Variants in KIF6 observed in about 807,000 individuals in gnomAD.
KIF6 encodes kinesin-like protein KIF6.
A neutral mutation model predicts 112.7 loss-of-function variants in KIF6; 106 were observed. The ratio of observed to expected loss-of-function variants is 0.94; its 90% confidence interval spans 0.80 to 1.11. KIF6 has a LOEUF of 1.11. KIF6 is among the 50% of genes least tolerant of loss of function. The pLI, the probability that KIF6 is intolerant of heterozygous loss-of-function variation, is 0.00. For missense variants in KIF6, 929 were observed against 964.0 expected (o/e 0.96, Z 0.48); for synonymous variants, 339 against 339.9 (o/e 1.00, Z 0.03).
intron 7 of KIF6, among the ~76,000 whole-genome samples, chr6:39,594,911 T>C (rs917777018): frequency 2.0e-5 from 3 of 152,074 alleles, no homozygotes; most frequent in Non-Finnish European, 4.4e-5. Context: ...GCCCTTATAC[T>C]CAAAAAGCTA....
At chr6:39,632,262 G>T (rs1258443078) in intron 5 of KIF6, among the ~76,000 whole-genome samples, 6 of 152,066 alleles carry the variant, frequency 3.9e-5, no homozygotes, top group Admixed American at 1.3e-4. Flanking sequence ...GTCACTCAAC[G>T]GTAAGGAAGC....
intron 3 of KIF6, among the ~76,000 whole-genome samples, chr6:39,692,461 C>CCA (rs1788272611): frequency 6.6e-6 from 1 of 152,214 alleles, no homozygotes; most frequent in South Asian, 2.1e-4. Flanking sequence ...CATGGAGACA[C>CCA]TGTGCAGTCT....
intron 3 of KIF6, among the ~76,000 whole-genome samples, chr6:39,682,167 G>C (rs534142147): frequency 6.6e-6 from 1 of 152,274 alleles, no homozygotes; most frequent in African/African-American, 2.4e-5. Flanking sequence ...AAAAAGATCA[G>C]AAAGCATAAG....
intron 3 of KIF6, among the ~76,000 whole-genome samples, chr6:39,703,076 C>CA (rs1455125573): frequency 6.7e-5 from 2 of 29,928 alleles, no homozygotes; most frequent in African/African-American, 1.3e-4. Flanking sequence ...AATCCACCAA[C>CA]CCCCCACCCC....
chr6:39,644,503 C>T (rs1026727288), intron 3 of KIF6, among the ~76,000 whole-genome samples: 7 of 152,082 alleles, frequency 4.6e-5, no homozygotes, highest in African/African-American at 1.7e-4. Context: ...AGTACAGATA[C>T]ATGCTACAAT....
chr6:39,675,253 T>C (rs1446423417), intron 3 of KIF6, among the ~76,000 whole-genome samples: 1 of 152,060 alleles, frequency 6.6e-6, no homozygotes. Context: ...AGTGGGTAAT[T>C]TGAATTGAAG....
chr6:39,707,256 C>T (rs979925535), intron 3 of KIF6, among the ~76,000 whole-genome samples: 1 of 152,144 alleles, frequency 6.6e-6, no homozygotes, highest in Non-Finnish European at 1.5e-5. Flanking sequence ...CCCTTAGGGC[C>T]CCCTTCTCTT....
intron 5 of KIF6, among the ~76,000 whole-genome samples, chr6:39,624,355 T>C (rs977704475): frequency 1.3e-5 from 2 of 152,188 alleles, no homozygotes; most frequent in African/African-American, 4.8e-5. Flanking sequence ...AAGGTTGTAA[T>C]AATTTTTTTC....
rs754329739 is a variant in KIF6, at chr6:39,343,489, G to A, written c.2428+220C>T. On this transcript the variant is annotated intron_variant, in intron 22 of 22. Coordinates refer to ENST00000287152, the MANE Select transcript of KIF6 (RefSeq NM_145027.6). This position sits in a 1 kb window ranked among gnomAD's most constrained non-coding sequence, Gnocchi z 4.1. Reference sequence around the variant, plus strand: ...CAAGAGGGACAGGAGCACCTGGGCCGCCCACCCACTTGGGCCTGTCTTGGT... The same window carrying A: ...CAAGAGGGACAGGAGCACCTGGGCCACCCACCCACTTGGGCCTGTCTTGGT... 84 of 1,488,690 alleles carry A rather than the reference G, an allele frequency of 5.6e-5. No homozygotes were observed. Among genetic ancestry groups the A allele is most frequent in the Middle Eastern group, 1.8e-4 (1 of 5,408 alleles). The allele number at this position is 1,488,690 out of a possible 1,614,324, so 92.2% of individuals were successfully genotyped here.
chr6:39,610,273 A>C (rs1783146065), intron 6 of KIF6, among the ~76,000 whole-genome samples: 1 of 152,218 alleles, frequency 6.6e-6, no homozygotes, highest in South Asian at 2.1e-4. Flanking sequence ...GTTTTATTCA[A>C]AACATTGGTA....
chr6:39,660,358 G>C (rs1396680525), intron 3 of KIF6, among the ~76,000 whole-genome samples: 2 of 152,132 alleles, frequency 1.3e-5, no homozygotes, highest in East Asian at 3.9e-4. Flanking sequence ...TACTTGGGTG[G>C]GAAGTCCTAA....
chr6:39,650,374 T>C (rs151286433), intron 3 of KIF6, among the ~76,000 whole-genome samples: 19 of 152,122 alleles, frequency 1.2e-4, no homozygotes, highest in Non-Finnish European at 2.4e-4. Context: ...CATGAAACTT[T>C]AATGAAGAAA....
chr6:39,540,282 G>T, intron 12 of KIF6, 61 bp from the exon 13 acceptor site: 1 of 1,019,064 alleles, frequency 9.8e-7, no homozygotes, highest in Non-Finnish European at 1.5e-6. Flanking sequence ...AAACACAAAT[G>T]TCCTAAGTGT....
intron 6 of KIF6, among the ~76,000 whole-genome samples, chr6:39,604,745 T>C (rs1782791496): frequency 6.6e-6 from 1 of 152,182 alleles, no homozygotes; most frequent in Non-Finnish European, 1.5e-5. Context: ...ATAATTATGA[T>C]TCACCTTTAT....
intron 13 of KIF6, among the ~76,000 whole-genome samples, chr6:39,524,383 A>G (rs1431723643): frequency 6.6e-6 from 1 of 152,188 alleles, no homozygotes; most frequent in Non-Finnish European, 1.5e-5. Context: ...TATGTAATTC[A>G]GCTAAATTAG....
intron 3 of KIF6, among the ~76,000 whole-genome samples, chr6:39,679,700 C>G (rs1787392714): frequency 6.7e-6 from 1 of 149,850 alleles, no homozygotes; most frequent in African/African-American, 2.5e-5. Flanking sequence ...ACTGTAACCT[C>G]CACCTCCTGG....
intron 22 of KIF6, among the ~76,000 whole-genome samples, chr6:39,337,148 C>CTCTTTCTTT (rs1562102131): frequency 2.1e-5 from 2 of 97,558 alleles, no homozygotes; most frequent in East Asian, 7.1e-4. Flanking sequence ...TCCTTCCTTT[C>CTCTTTCTTT]TCTTTCTTTT....
At chr6:39,636,300 C>A (rs1784621031) in intron 4 of KIF6, among the ~76,000 whole-genome samples, 1 of 151,974 alleles carries the variant, frequency 6.6e-6, no homozygotes, top group East Asian at 1.9e-4. Flanking sequence ...CAACTCTCAG[C>A]CTTCCATGAC....
chr6:39,432,148 C>A (rs923492921), intron 13 of KIF6, among the ~76,000 whole-genome samples: 1 of 152,210 alleles, frequency 6.6e-6, no homozygotes, highest in African/African-American at 2.4e-5. Context: ...CTTCACATGG[C>A]AATCCTTTCT....
Sources: allele counts gnomAD v4.1 joint callset (sites outside exome capture counted in the v4.1 genomes callset), GRCh38; gene constraint gnomAD v4.1.1; non-coding constraint Gnocchi (gnomAD v3.1); transcripts MANE v1.5; gene names NCBI Gene and HGNC (gene_info 2026-07-23, HGNC 2026-07-21).